The following GRB10 variants were observed in gnomAD, a reference collection of about 807,000 sequenced individuals.
GRB10 encodes growth factor receptor-bound protein 10.
In GRB10, 20 loss-of-function variants were observed where a neutral mutation model predicts 80.9. The ratio of observed to expected loss-of-function variants is 0.25; its 90% CI spans 0.17 to 0.36. GRB10 has a LOEUF of 0.36. Among genes scored for constraint, GRB10 ranks in the 10% least tolerant of loss-of-function variants. The pLI is 1.00. For synonymous variants in GRB10, 291 were observed against 291.5 expected, an observed-to-expected ratio of 1.00 and a Z score of 0.02; for missense variants, 548 against 747.7, an observed-to-expected ratio of 0.73 and a Z score of 3.12.
chr7:50,790,388 TAAAAG>T (rs2078860655), intron 1 of GRB10, among the ~76,000 whole-genome samples: 2 of 152,126 alleles, frequency 1.3e-5, no homozygotes, highest in South Asian at 4.1e-4. Flanking sequence ...TAGCACAGGT[TAAAAG>T]AAAAGTCTCC....
At chr7:50,712,918 C>T (rs2066117038) in intron 4 of GRB10, among the ~76,000 whole-genome samples, 1 of 152,210 alleles carries the variant, frequency 6.6e-6, no homozygotes, top group Admixed American at 6.5e-5. Flanking sequence ...CAACCATCAC[C>T]ACAATCTAAT....
In GRB10 at chr7:50,593,066, T is replaced by G. The variant is rs754432446; in HGVS notation, c.1671A>C (p.Leu557=). 2 of 1,614,126 alleles carry G rather than the reference T, an allele frequency of 1.2e-6. No homozygotes were observed. The highest frequency in any genetic ancestry group is 8.5e-7 in the Non-Finnish European group (1 of 1,180,050). ...CEDDGQTFFS[L]DDGNTKFSDL... Reference sequence around the variant, plus strand: ...CAGAGAATTTGGTGTTCCCGTCATCTAGGCTGAAGAACGTCTGCCCGTCGT... The same window carrying G: ...CAGAGAATTTGGTGTTCCCGTCATCGAGGCTGAAGAACGTCTGCCCGTCGT... The change falls in exon 19 of 19, where the codon CTA becomes CTC. Residue 557 remains leucine (L), a synonymous_variant. Coordinates refer to ENST00000401949, the MANE Select transcript of GRB10 (RefSeq NM_001350814.2).
intron 3 of GRB10, among the ~76,000 whole-genome samples, chr7:50,732,728 T>C (rs2070053802): frequency 6.6e-6 from 1 of 152,188 alleles, no homozygotes; most frequent in South Asian, 2.1e-4. Context: ...CATCAAGCTT[T>C]CGCAAATAGG....
At chr7:50,717,972 A>G (rs550191345) in intron 4 of GRB10, among the ~76,000 whole-genome samples, 2 of 152,158 alleles carry the variant, frequency 1.3e-5, no homozygotes, top group Non-Finnish European at 2.9e-5. Context: ...TGATCCCCCC[A>G]GGCAGAGACT....
intron 3 of GRB10, among the ~76,000 whole-genome samples, chr7:50,737,802 C>T (rs7809623): frequency 0.56 from 85,907 of 152,156 alleles, 26,742 homozygotes; most frequent in Middle Eastern, 0.8. Context: ...GAGCTGAGAT[C>T]ACGCCATTGC....
At chr7:50,773,918 C>T (rs569478696) in intron 2 of GRB10, among the ~76,000 whole-genome samples, 13 of 152,300 alleles carry the variant, frequency 8.5e-5, no homozygotes, top group Middle Eastern at 3.4e-3. Flanking sequence ...AGTGCAGTGG[C>T]GTGATCTCAG....
At chr7:50,677,517 T>C (rs1219866104) in intron 5 of GRB10, among the ~76,000 whole-genome samples, 1 of 152,182 alleles carries the variant, frequency 6.6e-6, no homozygotes, top group Non-Finnish European at 1.5e-5. Flanking sequence ...CTCAGTTCTG[T>C]ATTTATTGAG....
chr7:50,679,498 C>T (rs1349067952), intron 5 of GRB10, among the ~76,000 whole-genome samples: 1 of 152,150 alleles, frequency 6.6e-6, no homozygotes, highest in Non-Finnish European at 1.5e-5. Context: ...ACACTGGATT[C>T]ACTTTACTAA....
chr7:50,665,770 G>C (rs1306731104), intron 7 of GRB10, among the ~76,000 whole-genome samples: 1 of 152,226 alleles, frequency 6.6e-6, no homozygotes, highest in African/African-American at 2.4e-5. Context: ...TCCAGGGCAG[G>C]TGAAGGACAG....
intron 4 of GRB10, chr7:50,705,281 T>TC (rs1366206752): frequency 1.0e-6 from 1 of 985,674 alleles, no homozygotes; most frequent in Non-Finnish European, 1.2e-6. Context: ...GGATGTTTGT[T>TC]CCCTGGGAGG....
At chr7:50,636,796 A>AAGC (rs1452911439) in intron 7 of GRB10, among the ~76,000 whole-genome samples, 1 of 152,202 alleles carries the variant, frequency 6.6e-6, no homozygotes, top group Non-Finnish European at 1.5e-5. Flanking sequence ...GAAGAGTTGA[A>AAGC]AGCATTTCCC....
chr7:50,660,699 G>C (rs2153628772), intron 7 of GRB10, among the ~76,000 whole-genome samples: 1 of 152,314 alleles, frequency 6.6e-6, no homozygotes, highest in Middle Eastern at 3.4e-3. Context: ...AGGAGTTAGA[G>C]ATGCAGGTGT....
chr7:50,769,753 C>T (rs11970823), intron 2 of GRB10, among the ~76,000 whole-genome samples: 2,931 of 152,156 alleles, frequency 0.019, 96 homozygotes, highest in African/African-American at 0.062. Context: ...ATGCAGATCC[C>T]TGCTTTCTCT....
intron 6 of GRB10, among the ~76,000 whole-genome samples, chr7:50,673,310 T>C (rs1316218124): frequency 6.6e-6 from 1 of 152,140 alleles, no homozygotes; most frequent in Non-Finnish European, 1.5e-5. Context: ...CCCCACGCCA[T>C]CCCGACTGCG....
At chr7:50,618,415 G>A (rs76069907) in intron 9 of GRB10, among the ~76,000 whole-genome samples, 2,095 of 152,318 alleles carry the variant, frequency 0.014, 53 homozygotes, top group African/African-American at 0.047. Flanking sequence ...GGCAAAGAGC[G>A]ATGCCAGCGT....
intron 8 of GRB10, among the ~76,000 whole-genome samples, chr7:50,623,992 C>T (rs926977876): frequency 6.6e-6 from 1 of 152,130 alleles, no homozygotes; most frequent in Admixed American, 6.5e-5. Context: ...ATTAGGGATA[C>T]TCAATCAGTA....
At chr7:50,759,313 T>C (rs1281824640) in intron 2 of GRB10, among the ~76,000 whole-genome samples, 2 of 151,954 alleles carry the variant, frequency 1.3e-5, no homozygotes, top group Non-Finnish European at 2.9e-5. Flanking sequence ...CTGGTGAAGA[T>C]GATAGAACAG....
intron 5 of GRB10, among the ~76,000 whole-genome samples, chr7:50,680,756 G>A (rs1386756032): frequency 6.6e-6 from 1 of 152,174 alleles, no homozygotes; most frequent in East Asian, 1.9e-4. Context: ...ACTTGTTCCT[G>A]ATTACTATTT....
chr7:50,762,607 C>T (rs1436682286), intron 2 of GRB10, among the ~76,000 whole-genome samples: 6 of 152,158 alleles, frequency 3.9e-5, no homozygotes, highest in Admixed American at 2.6e-4. Context: ...GGATAGCTGG[C>T]AACTTATGCT....
Sources: gnomAD v4.1 joint callset for allele counts (sites outside exome capture counted in the v4.1 genomes callset) on GRCh38, gnomAD v4.1.1 for gene constraint, MANE v1.5 for transcripts, NCBI Gene and HGNC (gene_info 2026-07-23, HGNC 2026-07-21) for gene names.